The following ZNF621 variants were observed in gnomAD, a reference collection of about 807,000 sequenced individuals.
ZNF621 encodes zinc finger protein 621.
ZNF621 carries 6 observed loss-of-function variants against 12.7 expected under a neutral mutation model. The observed-to-expected ratio is 0.47, with a 90% CI of 0.26 to 0.93. ZNF621 has a LOEUF of 0.93. Ranked by LOEUF, ZNF621 falls within the 40% of genes least tolerant of loss-of-function variation. ZNF621 has a pLI of 0.15. For synonymous variants in ZNF621, 156 were observed against 190.3 expected, an observed-to-expected ratio of 0.82 and a Z score of 1.48; for missense variants, 474 against 524.0, an observed-to-expected ratio of 0.90 and a Z score of 0.93.
chr3:40,538,002 C>T lies in ZNF621; in HGVS notation c.*4912C>T, dbSNP rs542331643. On this transcript the variant is annotated 3_prime_UTR_variant, in exon 5 of 5. Coordinates refer to ENST00000339296, the MANE Select transcript of ZNF621 (RefSeq NM_198484.5). ...GGCTTAAAAGCATCAAAGGACAGCT[C>T]GTCTCTCTTGTTAGGGGTTCATGCA... Among the ~76,000 whole-genome samples the T allele has an allele frequency of 2.6e-5, 4 of 152,250 alleles. No individual in the cohort carries two copies. The highest frequency in any genetic ancestry group is 4.1e-4 in the South Asian group (2 of 4,824).
Position 40,532,375 on chromosome 3 carries a change from T to A in ZNF621, c.605T>A (p.Ile202Asn). ...TGTATTGTACATGAGAAAAACCACATTGGAGAAGGGCCCTATGAATGTAAG... is the reference window on the plus strand; with the variant it reads ...TGTATTGTACATGAGAAAAACCACAATGGAGAAGGGCCCTATGAATGTAAG... ...YDCIVHEKNH[I>N]GEGPYECKEC... is the part of the protein sequence containing the mutation. Residue 202 changes from isoleucine to asparagine, a missense_variant, in exon 5 of 5, where the codon ATT (isoleucine) becomes AAT (asparagine). Coordinates refer to ENST00000339296, the MANE Select transcript of ZNF621 (RefSeq NM_198484.5). 1 of 1,612,148 alleles carries A rather than the reference T, an allele frequency of 6.2e-7. No individual in the cohort carries two copies. The highest frequency in any genetic ancestry group is 1.7e-4 in the Middle Eastern group (1 of 6,054).
Position 40,532,427 on chromosome 3 carries a change from C to T in ZNF621, c.657C>T (p.Asn219=). 6.2e-7 allele frequency: 1 copy of T among 1,613,312 alleles called. No individual in the cohort carries two copies. The highest frequency in any genetic ancestry group is 8.5e-7 in the Non-Finnish European group (1 of 1,179,880). Residue 219 remains asparagine (N), a synonymous_variant, in exon 5 of 5, where the codon AAC becomes AAT. Coordinates refer to ENST00000339296, the MANE Select transcript of ZNF621 (RefSeq NM_198484.5). ...CKECGKGLSS[N]TALTQHQRIH... ...AGTGTGGCAAAGGTTTGAGTTCCAA[C>T]ACAGCCTTGACTCAACATCAGAGGA...
chr3:40,526,360 G>C (rs527821487), intron 2 of ZNF621, among the ~76,000 whole-genome samples: 1 of 152,226 alleles, frequency 6.6e-6, no homozygotes, highest in East Asian at 1.9e-4. Context: ...TAGTAGAGAC[G>C]GGGTTTACAC....
At position 40,537,006 on chromosome 3, in the gene ZNF621, C is replaced by T. The variant is rs1161291623; in HGVS notation, c.*3916C>T. On this transcript the variant is annotated 3_prime_UTR_variant, in exon 5 of 5. Transcript: ENST00000339296. ...GTGTGTGTGTGTGTTCTGATTACTC[C>T]ACTAACTGATGGTTCCCCATCTCTC... 1 of 152,154 alleles carries T rather than the reference C, an allele frequency of 6.6e-6. No individual in the cohort carries two copies. Among genetic ancestry groups the T allele is most frequent in the East Asian group, 1.9e-4 (1 of 5,204 alleles). 9.4% of individuals were successfully genotyped at this position (152,154 alleles called of 1,614,324 possible). A position where few individuals can be genotyped will look rare whatever the true frequency, so the allele number is the denominator to read the frequency against.
In ZNF621 at chr3:40,530,182, A is replaced by T. The variant is rs758156140; in HGVS notation, c.152-27A>T. The T allele has an allele frequency of 9.9e-5, 158 of 1,597,768 alleles. 1 individual carries two copies. In the Middle Eastern group the frequency reaches 1.8e-3, roughly 18 times the overall value. ...GAATAGCTCTGGACGTCTCCCCTCA[A>T]TTTGTCTTTCTCTTTTCTTCATGAA... On this transcript the variant is annotated intron_variant, in intron 3 of 4. Transcript: ENST00000339296.
rs141557940 is a variant in ZNF621, at chr3:40,532,548, G to T, written c.778G>T (p.Glu260Ter). Residue 260 changes from glutamate to a stop codon, truncating the protein, a stop_gained, in exon 5 of 5, where the codon GAG (glutamate) becomes TAG (stop). Transcript: ENST00000339296. LOFTEE classifies it low-confidence loss of function (END_TRUNC). ...YLQHQRLHTG[E>*]KLYKCKECWK... Reference sequence around the variant, plus strand: ...GCAGCATCAGAGATTACACACGGGAGAGAAACTCTATAAATGTAAGGAATG... The same window carrying T: ...GCAGCATCAGAGATTACACACGGGATAGAAACTCTATAAATGTAAGGAATG... 1 of 1,614,106 alleles carries T rather than the reference G, an allele frequency of 6.2e-7. No homozygotes were observed. Among genetic ancestry groups the T allele is most frequent in the Non-Finnish European group, 8.5e-7 (1 of 1,180,018 alleles).
In ZNF621 at chr3:40,536,897, G is replaced by C. The variant is rs913850979; in HGVS notation, c.*3807G>C. Reference sequence around the variant, plus strand: ...CAAACTTTTCATTATATGTGTTTTGGTGATTAGTGACTTTTATGTTTCTAT... The same window carrying C: ...CAAACTTTTCATTATATGTGTTTTGCTGATTAGTGACTTTTATGTTTCTAT... On this transcript the variant is annotated 3_prime_UTR_variant, in exon 5 of 5. Coordinates refer to ENST00000339296, the MANE Select transcript of ZNF621 (RefSeq NM_198484.5). The C allele has an allele frequency of 1.3e-5, 2 of 152,020 alleles. No individual in the cohort carries two copies. The highest frequency in any genetic ancestry group is 6.6e-5 in the Admixed American group (1 of 15,258). 9.4% of individuals were successfully genotyped at this position (152,020 alleles called of 1,614,324 possible). A position where few individuals can be genotyped will look rare whatever the true frequency, so the allele number is the denominator to read the frequency against.
rs1698560924 is a variant in ZNF621 at position 40,525,640 on chromosome 3, C to T, written c.-62-139C>T. 5 of 692,268 alleles carry T rather than the reference C, an allele frequency of 7.2e-6. No homozygotes were observed. The South Asian group carries it at 8.3e-5, about 11-fold the overall frequency. The allele number at this position is 692,268 out of a possible 1,614,324, so 42.9% of individuals were successfully genotyped here. A position where few individuals can be genotyped will look rare whatever the true frequency, so the allele number is the denominator to read the frequency against. ...CAATTCATAAGAAGTTTGGGGCTATCAGCGTGAGAACAATTAGAGGGAGTC... is the reference window on the plus strand; with the variant it reads ...CAATTCATAAGAAGTTTGGGGCTATTAGCGTGAGAACAATTAGAGGGAGTC... On this transcript the variant is annotated intron_variant, in intron 1 of 4. Transcript: ENST00000339296.
chr3:40,532,537 T>TAA lies in ZNF621; in HGVS notation c.768_769insAA (p.His257AsnfsTer49), dbSNP rs1698755387. The TAA allele has an allele frequency of 8.7e-6, 14 of 1,614,020 alleles. No individual in the cohort carries two copies. The highest frequency in any genetic ancestry group is 1.2e-5 in the Non-Finnish European group (14 of 1,180,034). On this transcript the variant is annotated frameshift_variant, in exon 5 of 5. Coordinates refer to ENST00000339296, the MANE Select transcript of ZNF621 (RefSeq NM_198484.5). LOFTEE classifies it low-confidence loss of function (END_TRUNC). ...GCGGCATACCTGCAGCATCAGAGAT[T>TAA]ACACACGGGAGAGAAACTCTATAAA...
chr3:40,529,393 G>A lies in ZNF621; in HGVS notation c.99G>A (p.Arg33=), dbSNP rs1698664731. The change falls in exon 3 of 5, where the codon AGG becomes AGA. Residue 33 remains arginine, a synonymous_variant. Transcript: ENST00000339296. ...NQWASLDPAQ[R]ALYGEVMLEN... ...GGGCCAGCCTCGACCCTGCGCAGAG[G>A]GCCCTGTACGGGGAGGTGATGCTGG... 1 of 1,613,932 alleles carries A rather than the reference G, an allele frequency of 6.2e-7. No individual in the cohort carries two copies. Among genetic ancestry groups the A allele is most frequent in the Non-Finnish European group, 8.5e-7 (1 of 1,179,896 alleles).
rs1031403631 is a variant in ZNF621 at position 40,534,442 on chromosome 3, G to A, written c.*1352G>A. ...TTATTGGCATTAATGTAAACAGTAA[G>A]TCCTAAGCTTTGATGGAAGGGTCCA... is the stretch of plus-strand genomic sequence containing the variant. On this transcript the variant is annotated 3_prime_UTR_variant, in exon 5 of 5. Transcript: ENST00000339296. 1.3e-5 allele frequency: 2 copies of A among 150,108 alleles called. No individual in the cohort carries two copies. The highest frequency in any genetic ancestry group is 4.3e-4 in the South Asian group (2 of 4,702). 9.3% of individuals were successfully genotyped at this position (150,108 alleles called of 1,614,324 possible). A position where few individuals can be genotyped will look rare whatever the true frequency, so the allele number is the denominator to read the frequency against.
At chr3:40,523,343 A>T (rs1698498783), upstream of ZNF621, among the ~76,000 whole-genome samples, 1 of 152,244 alleles carries the variant, frequency 6.6e-6, no homozygotes, top group African/African-American at 2.4e-5. Context: ...ATATCTAGAT[A>T]TCCAGGATCA....
In ZNF621 at chr3:40,532,708, A is replaced by C; in HGVS notation, c.938A>C (p.His313Pro). The C allele has an allele frequency of 6.2e-7, 1 of 1,614,218 alleles. No individual in the cohort carries two copies. The highest frequency in any genetic ancestry group is 1.1e-5 in the South Asian group (1 of 91,088). ...GCCTCCATTCAGCATCAGAGAGTTC[A>C]CACTGGGGAGAAGCCTTATGAATGT... ...KIASIQHQRV[H>P]TGEKPYECKV... is the part of the protein sequence containing the mutation. Residue 313 changes from histidine (H) to proline (P), a missense_variant, in exon 5 of 5, where the codon CAC becomes CCC. His to Pro is a moderately conservative substitution (Grantham distance 77, BLOSUM62 -2). Coordinates refer to ENST00000339296, the MANE Select transcript of ZNF621 (RefSeq NM_198484.5).
In ZNF621 at chr3:40,535,923, T is replaced by C. The variant is rs1575312724; in HGVS notation, c.*2833T>C. The C allele has an allele frequency of 6.6e-6, 1 of 151,912 alleles. No homozygotes were observed. The highest frequency in any genetic ancestry group is 2.4e-5 in the African/African-American group (1 of 41,400). 9.4% of individuals were successfully genotyped at this position (151,912 alleles called of 1,614,324 possible). ...AAACAATATAAAAATTCCAGAGGGG[T>C]GTGTGTATAGAGAGGCAAAGGACAC... On this transcript the variant is annotated 3_prime_UTR_variant, in exon 5 of 5. Transcript: ENST00000339296.
At chr3:40,523,971 G>A (rs1433274068), upstream of ZNF621, among the ~76,000 whole-genome samples, 1 of 152,164 alleles carries the variant, frequency 6.6e-6, no homozygotes, top group Non-Finnish European at 1.5e-5. Context: ...AGCTTGGAGT[G>A]AGGCTGTTGT....
At chr3:40,527,990 G>A (rs1285841482) in intron 2 of ZNF621, among the ~76,000 whole-genome samples, 2 of 152,166 alleles carry the variant, frequency 1.3e-5, no homozygotes, top group Non-Finnish European at 2.9e-5. Context: ...GTGACAAGGA[G>A]TGAACCTACA....
Position 40,531,169 on chromosome 3 carries a change from A to G in ZNF621, c.259+853A>G, listed in dbSNP as rs150541886. ...TGAATATTGTGTGGGATATTTAAAT[A>G]TAGGATAATTAGGACATTGTTTAGA... is the stretch of plus-strand genomic sequence containing the variant. On this transcript the variant is annotated intron_variant, in intron 4 of 4. Transcript: ENST00000339296. 4.6e-5 allele frequency among the ~76,000 whole-genome samples: 7 copies of G among 152,318 alleles called. No homozygotes were observed. The East Asian group carries it at 1.4e-3, about 29-fold the overall frequency.
chr3:40,532,413 G>A lies in ZNF621; in HGVS notation c.643G>A (p.Gly215Ser), dbSNP rs150377840. Residue 215 changes from glycine to serine, a missense_variant, in exon 5 of 5, where the codon GGT (glycine) becomes AGT (serine). Physicochemically the swap from Gly to Ser is moderately conservative, Grantham distance 56. Coordinates refer to ENST00000339296, the MANE Select transcript of ZNF621 (RefSeq NM_198484.5). ...GPYECKECGK[G>S]LSSNTALTQH... Reference sequence around the variant, plus strand: ...CTATGAATGTAAGGAGTGTGGCAAAGGTTTGAGTTCCAACACAGCCTTGAC... The same window carrying A: ...CTATGAATGTAAGGAGTGTGGCAAAAGTTTGAGTTCCAACACAGCCTTGAC... 113 of 1,613,892 alleles carry A rather than the reference G, an allele frequency of 7.0e-5. No homozygotes were observed. The African/African-American group carries it at 9.3e-4, about 13-fold the overall frequency.
chr3:40,523,544 T>A (rs1698504940), upstream of ZNF621, among the ~76,000 whole-genome samples: 1 of 151,882 alleles, frequency 6.6e-6, no homozygotes, highest in Non-Finnish European at 1.5e-5. Context: ...GGTGCACGGA[T>A]CACAAGGTCA....
Sources: gnomAD v4.1 joint callset for allele counts (sites outside exome capture counted in the v4.1 genomes callset) on GRCh38, gnomAD v4.1.1 for gene constraint, MANE v1.5 for transcripts, NCBI Gene and HGNC (gene_info 2026-07-23, HGNC 2026-07-21) for gene names.